The following SEL1L3 variants were observed in gnomAD, a reference collection of about 807,000 sequenced individuals.
SEL1L3 encodes the protein protein sel-1 homolog 3.
SEL1L3 carries 76 observed loss-of-function variants against 142.8 expected under a neutral mutation model. That is an observed-to-expected ratio of 0.53 (90% CI 0.44 to 0.64). The LOEUF (loss-of-function observed/expected upper bound fraction) is 0.64, where lower values mean the gene tolerates loss of function less well. SEL1L3 is among the 30% of genes least tolerant of loss of function. The probability of loss-of-function intolerance (pLI) is 0.00; values close to 1 mark genes in which losing one functional copy is unlikely to be tolerated. For missense variants in SEL1L3, 1,262 were observed against 1,381.7 expected (o/e 0.91, Z 1.37); for synonymous variants, 504 against 519.6 (o/e 0.97, Z 0.41).
intron 1 of SEL1L3, among the ~76,000 whole-genome samples, chr4:25,859,013 A>G (rs1717482866): frequency 6.6e-6 from 1 of 152,254 alleles, no homozygotes; most frequent in African/African-American, 2.4e-5. Flanking sequence ...ATCTTTTCAT[A>G]TAAGAAAATA....
At chr4:25,757,344 C>T (rs1274895828) in intron 23 of SEL1L3, among the ~76,000 whole-genome samples, 190 bp downstream of exon 23, 1 of 151,092 alleles carries the variant, frequency 6.6e-6, no homozygotes, top group Non-Finnish European at 1.5e-5. Context: ...CTCCCACCGG[C>T]CAGGAATTTC....
At chr4:25,824,539 C>T (rs1180416110) in intron 6 of SEL1L3, among the ~76,000 whole-genome samples, 1 of 152,210 alleles carries the variant, frequency 6.6e-6, no homozygotes, top group Non-Finnish European at 1.5e-5. Flanking sequence ...CCATCAGCAA[C>T]AGTGATTATC....
intron 9 of SEL1L3, among the ~76,000 whole-genome samples, chr4:25,809,853 T>C (rs7655889): frequency 0.036 from 5,458 of 152,342 alleles, 340 homozygotes; most frequent in African/African-American, 0.12. Context: ...TGTTATTATG[T>C]AACATAGTTG....
intron 2 of SEL1L3, among the ~76,000 whole-genome samples, chr4:25,845,645 A>T (rs979928522): frequency 2.0e-5 from 3 of 152,022 alleles, no homozygotes; most frequent in African/African-American, 7.3e-5. Flanking sequence ...CGCCACAGTC[A>T]TTATTTCCCC....
chr4:25,827,183 G>A (rs1715150775), intron 6 of SEL1L3, among the ~76,000 whole-genome samples: 1 of 152,022 alleles, frequency 6.6e-6, no homozygotes, highest in African/African-American at 2.4e-5. Flanking sequence ...GATTACTGTT[G>A]AGTTAAATTG....
At chr4:25,764,262 A>T (rs13107439) in intron 20 of SEL1L3, among the ~76,000 whole-genome samples, 30,952 of 152,126 alleles carry the variant, frequency 0.2, 3,454 homozygotes, top group Middle Eastern at 0.28. Flanking sequence ...AGAAGATTGG[A>T]AAGAAATATA....
chr4:25,862,568 CT>C (rs1403785247), intron 1 of SEL1L3, 106 bp downstream of exon 1: 1 of 516,174 alleles, frequency 1.9e-6, no homozygotes, highest in African/African-American at 2.0e-5. Context: ...AGAGAGAAAA[CT>C]AGCAGCGGCG....
At chr4:25,806,360 A>G (rs1713578013) in intron 9 of SEL1L3, among the ~76,000 whole-genome samples, 1 of 151,806 alleles carries the variant, frequency 6.6e-6, no homozygotes, top group Admixed American at 6.6e-5. Context: ...TTTAAAGCTC[A>G]GGAGGCAACG....
At chr4:25,786,811 G>C (rs1711876112) in intron 13 of SEL1L3, among the ~76,000 whole-genome samples, 1 of 152,220 alleles carries the variant, frequency 6.6e-6, no homozygotes, top group Non-Finnish European at 1.5e-5. Context: ...TTGACAACTG[G>C]AAAGAGAAGG....
chr4:25,851,930 T>G (rs1276960729), intron 1 of SEL1L3, among the ~76,000 whole-genome samples: 1 of 151,138 alleles, frequency 6.6e-6, no homozygotes, highest in Non-Finnish European at 1.5e-5. Context: ...AACTATGTCT[T>G]CTGCAAATGG....
intron 2 of SEL1L3, 101 bp downstream of exon 2, chr4:25,847,193 A>T: frequency 1.1e-6 from 1 of 931,210 alleles, no homozygotes; most frequent in Non-Finnish European, 1.6e-6. Flanking sequence ...TCTTCCCTGT[A>T]TCCCCCTTCG....
chr4:25,844,858 T>C (rs191011036), intron 2 of SEL1L3, among the ~76,000 whole-genome samples: 8 of 152,202 alleles, frequency 5.3e-5, no homozygotes, highest in African/African-American at 1.9e-4. Flanking sequence ...ATCAAAATGA[T>C]TGACTTGACT....
chr4:25,849,987 G>A (rs983567986), intron 1 of SEL1L3, among the ~76,000 whole-genome samples: 6 of 152,182 alleles, frequency 3.9e-5, no homozygotes, highest in Non-Finnish European at 8.8e-5. Flanking sequence ...GTTGGGCTTT[G>A]AGGGACGAAA....
chr4:25,729,917 T>TAC, the SEL1L3 span, among the ~76,000 whole-genome samples: 1 of 151,248 alleles, frequency 6.6e-6, no homozygotes, highest in Admixed American at 6.6e-5. Context: ...ATCTTTCTTC[T>TAC]TCTTCTTCTC....
At chr4:25,811,764 T>TTTTG (rs1714045166) in intron 9 of SEL1L3, among the ~76,000 whole-genome samples, 2 of 147,856 alleles carry the variant, frequency 1.4e-5, no homozygotes, top group South Asian at 4.2e-4. Flanking sequence ...TTTTTTTTTT[T>TTTTG]TTGTTGTTGT....
chr4:25,805,586 G>C (rs1057356819), intron 9 of SEL1L3, among the ~76,000 whole-genome samples: 1 of 100,516 alleles, frequency 9.9e-6, no homozygotes, highest in East Asian at 2.3e-4. Context: ...TAAGCTATAT[G>C]ATGCTTCCTT....
At chr4:25,727,993 C>A in the SEL1L3 span, among the ~76,000 whole-genome samples, 1 of 152,088 alleles carries the variant, frequency 6.6e-6, no homozygotes, top group Non-Finnish European at 1.5e-5. Flanking sequence ...TGAACTAGGC[C>A]GGTTCTCAGA....
the SEL1L3 span, among the ~76,000 whole-genome samples, chr4:25,733,149 C>A: frequency 6.6e-6 from 1 of 151,920 alleles, no homozygotes; most frequent in Non-Finnish European, 1.5e-5. Flanking sequence ...GAAACTTCTA[C>A]AAAATAGAAA....
intron 18 of SEL1L3, 35 bp downstream of exon 18, chr4:25,767,705 A>G (rs2290579): frequency 0.22 from 330,553 of 1,492,616 alleles, 38,192 homozygotes; most frequent in Middle Eastern, 0.32. Flanking sequence ...CCTTAACCTC[A>G]GAGCTTCTAC....
Sources: allele counts gnomAD v4.1 joint callset (sites outside exome capture counted in the v4.1 genomes callset), GRCh38; gene constraint gnomAD v4.1.1; transcripts MANE v1.5; gene names NCBI Gene and HGNC (gene_info 2026-07-23, HGNC 2026-07-21).